Variants in DACT2 observed in about 807,000 individuals in gnomAD.
The protein encoded by DACT2 is dishevelled binding antagonist of beta catenin 2, also known as dapper homolog 2.
Under a neutral mutation model 22.2 loss-of-function variants are expected in DACT2, and 20 were observed. The observed-to-expected ratio is 0.90, with a 90% CI of 0.63 to 1.31. The LOEUF (loss-of-function observed/expected upper bound fraction) is 1.31. Among genes scored for constraint, DACT2 ranks in the 50% most tolerant of loss-of-function variants. DACT2 has a pLI of 0.00. For missense variants in DACT2, 1,048 were observed against 1,061.4 expected (o/e 0.99, Z 0.18); for synonymous variants, 463 against 479.8 (o/e 0.96, Z 0.46).
intron 1 of DACT2, among the ~76,000 whole-genome samples, chr6:168,314,251 G>A (rs1779492980): frequency 6.6e-6 from 1 of 152,190 alleles, no homozygotes; most frequent in East Asian, 1.9e-4. Context: ...CCCTCTGCAA[G>A]CGTTCAGGCT....
In DACT2 at chr6:168,308,157, AC is replaced by A; in HGVS notation, c.1599del (p.Glu533AspfsTer224). The stretch of plus-strand genomic sequence containing the variant: ...CCTGTGGGCCAGTGGGCAGGGTCCC[AC>A]TCCAGGGATGGCTGGGGGGCTGCAT... ...GAHAAPQPSLEWDPAHWPTGR... is the reference protein window; with the variant it reads ...GAHAAPQPSLXWDPAHWPTGR... On this transcript the variant is annotated frameshift_variant, in exon 4 of 4. Coordinates refer to ENST00000366795, the MANE Select transcript of DACT2 (RefSeq NM_214462.5). LOFTEE classifies it low-confidence loss of function (END_TRUNC). 1 of 1,550,218 alleles carries A rather than the reference AC, an allele frequency of 6.5e-7. No individual in the cohort carries two copies. Among genetic ancestry groups the A allele is most frequent in the Non-Finnish European group, 8.7e-7 (1 of 1,146,718 alleles).
chr6:168,294,390 G>A (rs113549675), intron 4 of DACT2, among the ~76,000 whole-genome samples: 16 of 151,502 alleles, frequency 1.1e-4, no homozygotes, highest in African/African-American at 2.4e-4. Context: ...GCCCGTGGGC[G>A]GAGCGTGCAC....
At chr6:168,304,525 G>A (rs987644361), downstream of DACT2, among the ~76,000 whole-genome samples, 3 of 152,212 alleles carry the variant, frequency 2.0e-5, no homozygotes, top group Admixed American at 2.0e-4. Flanking sequence ...CCCTGGGCCT[G>A]CACGTGGCAT....
Position 168,308,100 on chromosome 6 carries a change from CCAGGG to C in DACT2, c.1652_1656del (p.Ala551GlyfsTer11). 6.5e-7 allele frequency: 1 copy of C among 1,545,258 alleles called. No individual in the cohort carries two copies. Among genetic ancestry groups the C allele is most frequent in the African/African-American group, 1.4e-5 (1 of 72,956 alleles). Reference sequence around the variant, plus strand: ...CAGGAGCGCCCGGGTGCCTCCCAGGCCAGGGCTGGCCTCCGCTGGAGCCCGCCCCT... The same window carrying C: ...CAGGAGCGCCCGGGTGCCTCCCAGGCCTGGCCTCCGCTGGAGCCCGCCCCT... On this transcript the variant is annotated frameshift_variant, in exon 4 of 4. Coordinates refer to ENST00000366795, the MANE Select transcript of DACT2 (RefSeq NM_214462.5). LOFTEE classifies it low-confidence loss of function (END_TRUNC).
Position 168,308,408 on chromosome 6 carries a change from G to A in DACT2, c.1349C>T (p.Pro450Leu). 6.4e-7 allele frequency: 1 copy of A among 1,551,826 alleles called. No homozygotes were observed. ...ASPSSKAQQT[P>L]SAQDYGRGNI... ...GCCTCGTCCATAGTCCTGAGCTGAG[G>A]GTGTCTGCTGGGCCTTTGAGCTGGG... Residue 450 changes from proline to leucine, a missense_variant, in exon 4 of 4, where the codon CCC (proline) becomes CTC (leucine). By Grantham distance (98) the Pro-to-Leu change is moderately conservative (BLOSUM62 -3). Coordinates refer to ENST00000366795, the MANE Select transcript of DACT2 (RefSeq NM_214462.5).
downstream of DACT2, among the ~76,000 whole-genome samples, chr6:168,301,922 C>T (rs374797674): frequency 3.3e-5 from 5 of 152,264 alleles, no homozygotes; most frequent in East Asian, 5.8e-4. Context: ...CAGCTTCATT[C>T]CCGGCTCCGG....
At chr6:168,294,664 C>T (rs996033934) in exon 4 of DACT2, 53 of 1,485,172 alleles carry the variant, frequency 3.6e-5, no homozygotes, top group Non-Finnish European at 3.7e-5. Context: ...AGCCTGCAGG[C>T]GGAGCATGCA....
chr6:168,308,403 C>A lies in DACT2; in HGVS notation c.1354G>T (p.Ala452Ser). Residue 452 changes from alanine to serine, a missense_variant, in exon 4 of 4, where the codon GCT (alanine) becomes TCT (serine). Ala to Ser is a moderately conservative substitution (Grantham distance 99, BLOSUM62 1). Coordinates refer to ENST00000366795, the MANE Select transcript of DACT2 (RefSeq NM_214462.5). ...PSSKAQQTPS[A>S]QDYGRGNIIS... The stretch of plus-strand genomic sequence containing the variant: ...ATGTTGCCTCGTCCATAGTCCTGAG[C>A]TGAGGGTGTCTGCTGGGCCTTTGAG... 4 of 1,551,820 alleles carry A rather than the reference C, an allele frequency of 2.6e-6. No homozygotes were observed. Among genetic ancestry groups the A allele is most frequent in the Non-Finnish European group, 3.5e-6 (4 of 1,147,008 alleles).
chr6:168,307,933 G>A lies in DACT2; in HGVS notation c.1824C>T (p.Arg608=). 1.3e-6 allele frequency: 2 copies of A among 1,547,948 alleles called. No homozygotes were observed. Among genetic ancestry groups the A allele is most frequent in the Non-Finnish European group, 1.7e-6 (2 of 1,146,842 alleles). Residue 608 remains arginine (R), a synonymous_variant, in exon 4 of 4, where the codon CGC becomes CGT. Coordinates refer to ENST00000366795, the MANE Select transcript of DACT2 (RefSeq NM_214462.5). The surrounding 1 kb of genome is among the most constrained non-coding windows in gnomAD (Gnocchi z 5.3). ...LTSVARRKHR[R]WQSTVEISAR... ...CCGAGATCTCCACGGTGGACTGCCAGCGGCGATGCTTCCTCCTGGCCACTG... is the reference window on the plus strand; with the variant it reads ...CCGAGATCTCCACGGTGGACTGCCAACGGCGATGCTTCCTCCTGGCCACTG...
At chr6:168,299,358 A>G (rs1173867734) in intron 3 of DACT2, 1 of 152,226 alleles carries the variant, frequency 6.6e-6, no homozygotes, top group Non-Finnish European at 1.5e-5. Context: ...TGAGATGAAC[A>G]TACGTGAGTT....
chr6:168,297,779 C>T (rs182764602), intron 3 of DACT2, among the ~76,000 whole-genome samples: 22 of 152,340 alleles, frequency 1.4e-4, no homozygotes, highest in Admixed American at 2.6e-4. Flanking sequence ...TTGCTTGAAA[C>T]GGCAACGTAA....
chr6:168,293,977 T>C (rs1158669030), intron 5 of DACT2: 14 of 703,228 alleles, frequency 2.0e-5, no homozygotes, highest in Non-Finnish European at 3.6e-5. Flanking sequence ...CAGAGATTAC[T>C]TGTGAGTAGA....
In DACT2 at chr6:168,308,554, G is replaced by A. The variant is rs542050052; in HGVS notation, c.1203C>T (p.Gly401=). 84 of 1,549,366 alleles carry A rather than the reference G, an allele frequency of 5.4e-5. 1 individual carries two copies. Among genetic ancestry groups the A allele is most frequent in the South Asian group, 9.5e-5 (8 of 84,036 alleles). The part of the protein sequence containing the change: ...GPAQSRGAGR[G]GPQQQGYMPL... Reference sequence around the variant, plus strand: ...GCATGTATCCCTGCTGCTGGGGCCCGCCCCTGCCGGCACCCCTGCTCTGAG... The same window carrying A: ...GCATGTATCCCTGCTGCTGGGGCCCACCCCTGCCGGCACCCCTGCTCTGAG... Residue 401 remains glycine (G), a synonymous_variant, in exon 4 of 4, where the codon GGC becomes GGT. Transcript: ENST00000366795.
intron 1 of DACT2, among the ~76,000 whole-genome samples, chr6:168,315,631 T>A (rs1298593104): frequency 1.3e-5 from 2 of 152,246 alleles, no homozygotes; most frequent in African/African-American, 4.8e-5. Flanking sequence ...GGCACAGTAA[T>A]TAAAACGCTG....
Position 168,311,260 on chromosome 6 carries a change from C to T in DACT2, c.271G>A (p.Gly91Ser), listed in dbSNP as rs1262246980. 5.2e-6 allele frequency: 8 copies of T among 1,550,034 alleles called. No homozygotes were observed. In the Admixed American group the frequency reaches 5.9e-5, roughly 11 times the overall value. ...AGCTGGTCCAGGTGGGTCTTCAGGC[C>T]GATGTCCTGTTGTCTCAGCCGGGAC... The part of the protein sequence containing the change: ...QLSRLRQQDI[G>S]LKTHLDQLDL... Residue 91 changes from glycine (G) to serine (S), a missense_variant, in exon 2 of 4, where the codon GGC (glycine) becomes AGC (serine). Transcript: ENST00000366795.
chr6:168,307,396 T>G lies in DACT2; in HGVS notation c.*36A>C, dbSNP rs1483736990. ...GGACACTGCATGGAAAGGGCCCCTG[T>G]GTGCAGCAGGCTTCTCTTGACGCAG... On this transcript the variant is annotated 3_prime_UTR_variant, in exon 4 of 4. Coordinates refer to ENST00000366795, the MANE Select transcript of DACT2 (RefSeq NM_214462.5). This position sits in a 1 kb window ranked among gnomAD's most constrained non-coding sequence, Gnocchi z 5.3. 1 of 1,549,514 alleles carries G rather than the reference T, an allele frequency of 6.5e-7. No homozygotes were observed. Among genetic ancestry groups the G allele is most frequent in the South Asian group, 1.2e-5 (1 of 83,704 alleles).
rs1176858660 is a variant in DACT2, at chr6:168,308,876, T to G, written c.881A>C (p.Glu294Ala). ...LQSPLFVLTK[E>A]TPQRGGPSFP... ...CGAGGGGCCACCTCTCTGTGGGGTTTCCTTAGTCAGGACAAACAGGGGGCT... is the reference window on the plus strand; with the variant it reads ...CGAGGGGCCACCTCTCTGTGGGGTTGCCTTAGTCAGGACAAACAGGGGGCT... The change falls in exon 4 of 4, where the codon GAA becomes GCA. Residue 294 changes from glutamate (E) to alanine (A), a missense_variant. Glu to Ala is a moderately radical substitution (Grantham distance 107, BLOSUM62 -1). Coordinates refer to ENST00000366795, the MANE Select transcript of DACT2 (RefSeq NM_214462.5). 1 of 1,550,862 alleles carries G rather than the reference T, an allele frequency of 6.4e-7. No homozygotes were observed. Among genetic ancestry groups the G allele is most frequent in the East Asian group, 2.4e-5 (1 of 40,910 alleles).
chr6:168,304,668 A>G (rs946377082), downstream of DACT2, among the ~76,000 whole-genome samples: 1 of 152,226 alleles, frequency 6.6e-6, no homozygotes, highest in African/African-American at 2.4e-5. Context: ...GAGCACAGAC[A>G]GATGTGGGTC....
chr6:168,295,565 T>C (rs1338420498), intron 3 of DACT2, among the ~76,000 whole-genome samples: 1 of 152,232 alleles, frequency 6.6e-6, no homozygotes, highest in Non-Finnish European at 1.5e-5. Context: ...AATATGGGCA[T>C]AATTTTAAGA....
Sources: allele counts gnomAD v4.1 joint callset (sites outside exome capture counted in the v4.1 genomes callset), GRCh38; gene constraint gnomAD v4.1.1; non-coding constraint Gnocchi (gnomAD v3.1); transcripts MANE v1.5; gene names NCBI Gene and HGNC (gene_info 2026-07-23, HGNC 2026-07-21).